Variants in SYAP1 observed in about 807,000 individuals in gnomAD.
SYAP1 encodes synapse associated protein 1.
A neutral mutation model predicts 29.6 loss-of-function variants in SYAP1; 3 were observed. The ratio of observed to expected loss-of-function variants is 0.10; its 90% confidence interval spans 0.05 to 0.26. The LOEUF is 0.26. SYAP1 is among the 10% of genes least tolerant of loss of function. The pLI is 1.00. For missense variants in SYAP1, 217 were observed against 264.1 expected, an observed-to-expected ratio of 0.82 and a Z score of 1.24; for synonymous variants, 102 against 102.7, an observed-to-expected ratio of 0.99 and a Z score of 0.04.
chrX:16,747,000 C>G (rs1040540540), intron 5 of SYAP1, among the ~76,000 whole-genome samples: 2 of 112,269 alleles, frequency 1.8e-5, no homozygotes, highest in African/African-American at 6.5e-5. Context: ...GACAGGATCT[C>G]TGGAATGCAG....
chrX:16,755,402 C>G (rs1926820575), intron 6 of SYAP1, among the ~76,000 whole-genome samples: 1 of 109,987 alleles, frequency 9.1e-6, no homozygotes, highest in Admixed American at 9.8e-5. Context: ...AGCGATCCTC[C>G]TGCCTCAGCT....
At chrX:16,725,981 C>G (rs1602319613) in intron 1 of SYAP1, among the ~76,000 whole-genome samples, 1 of 111,817 alleles carries the variant, frequency 8.9e-6, no homozygotes, top group Non-Finnish European at 1.9e-5. Context: ...ATTTGTTTCT[C>G]TGACTGCAAA....
chrX:16,757,059 G>T, intron 7 of SYAP1, 103 bp from the exon 8 acceptor site: 1 of 1,013,678 alleles, frequency 9.9e-7, no homozygotes, highest in Non-Finnish European at 1.4e-6. Context: ...GCAGAGAAAA[G>T]AAATAAAAAT....
intron 4 of SYAP1, among the ~76,000 whole-genome samples, chrX:16,742,371 C>T (rs1054718507): frequency 8.2e-5 from 9 of 109,160 alleles, no homozygotes; most frequent in African/African-American, 1.7e-4. Flanking sequence ...AGACTGGTCT[C>T]GAACTCCTGA....
In SYAP1 at chrX:16,765,229, A is replaced by T. The variant is rs1175487502; in HGVS notation, c.*4870A>T. On this transcript the variant is annotated 3_prime_UTR_variant, in exon 9 of 9. Transcript: ENST00000380155. ...TAAGCCATCGATGATTTCAGTTGTT[A>T]AAAGTGTGGCTTTTTAAACAGCATT... 1 of 112,436 alleles carries T rather than the reference A, an allele frequency of 8.9e-6. No individual in the cohort carries two copies. The highest frequency in any genetic ancestry group is 1.9e-5 in the Non-Finnish European group (1 of 53,344). The allele number at this position is 112,436 out of a possible 1,213,427, so 9.3% of individuals were successfully genotyped here.
At chrX:16,731,662 G>A (rs6632879) in intron 1 of SYAP1, among the ~76,000 whole-genome samples, 6 of 111,757 alleles carry the variant, frequency 5.4e-5, no homozygotes, top group African/African-American at 1.6e-4. Flanking sequence ...ACAAGCAGCC[G>A]GGCACAGTGG....
intron 5 of SYAP1, among the ~76,000 whole-genome samples, chrX:16,744,234 A>G (rs1210309183): frequency 8.9e-6 from 1 of 112,057 alleles, no homozygotes; most frequent in Non-Finnish European, 1.9e-5. Context: ...TTTTCCTCCA[A>G]CAGCTCTTCT....
At position 16,755,027 on chromosome X, in the gene SYAP1, G is replaced by A; in HGVS notation, c.658G>A (p.Ala220Thr). The change falls in exon 6 of 9, where the codon GCC becomes ACC. Residue 220 changes from alanine to threonine, a missense_variant. Ala to Thr is a moderately conservative substitution (Grantham distance 58, BLOSUM62 0). Transcript: ENST00000380155. ...GTCAGCCCAGCTCACGGCCCTGGCT[G>A]CCCAACAGCAGGCCGCAGGGAAGGA... ...KQSAQLTALA[A>T]QQQAAGKEEK... The A allele has an allele frequency of 1.7e-6, 2 of 1,211,359 alleles. No individual in the cohort carries two copies. The highest frequency in any genetic ancestry group is 2.2e-6 in the Non-Finnish European group (2 of 895,016).
chrX:16,753,244 C>CAA (rs770811287), intron 5 of SYAP1, among the ~76,000 whole-genome samples: 3 of 41,338 alleles, frequency 7.3e-5, no homozygotes, highest in East Asian at 1.5e-3. Context: ...GACTCCGTCT[C>CAA]AAAAAAAAAA....
Position 16,735,340 on chromosome X carries a change from G to A in SYAP1, c.289G>A (p.Asp97Asn). 2.7e-6 allele frequency: 3 copies of A among 1,115,627 alleles called. No individual in the cohort carries two copies. The highest frequency in any genetic ancestry group is 3.7e-6 in the Non-Finnish European group (3 of 817,845). The allele number at this position is 1,115,627 out of a possible 1,213,427, so 91.9% of individuals were successfully genotyped here. A position where few individuals can be genotyped will look rare whatever the true frequency, so the allele number is the denominator to read the frequency against. Residue 97 changes from aspartate (D) to asparagine (N), a missense_variant, in exon 2 of 9, where the codon GAC (aspartate) becomes AAC (asparagine). By Grantham distance (23) the Asp-to-Asn change is conservative (BLOSUM62 1). Transcript: ENST00000380155. Reference sequence around the variant, plus strand: ...AGAAGGAAAAATAGATGGCATCATTGACAAGGTATATTCAATTATCTTTTG... The same window carrying A: ...AGAAGGAAAAATAGATGGCATCATTAACAAGGTATATTCAATTATCTTTTG... Reference protein sequence around the residue: ...VEEGKIDGIIDKTIIGDFQKE... With the variant: ...VEEGKIDGIINKTIIGDFQKE...
chrX:16,742,220 C>T (rs929146080), intron 4 of SYAP1, among the ~76,000 whole-genome samples: 5 of 96,532 alleles, frequency 5.2e-5, no homozygotes, highest in Non-Finnish European at 1.0e-4. Context: ...GGCACGATCT[C>T]GGCTCACTGC....
intron 5 of SYAP1, among the ~76,000 whole-genome samples, chrX:16,753,455 C>T (rs1926781134): frequency 9.0e-6 from 1 of 111,042 alleles, no homozygotes; most frequent in South Asian, 3.8e-4. Flanking sequence ...CAATGGGAGA[C>T]TATTCAAGCT....
At chrX:16,729,689 G>A (rs1021945033) in intron 1 of SYAP1, among the ~76,000 whole-genome samples, 2 of 110,292 alleles carry the variant, frequency 1.8e-5, no homozygotes. Context: ...TCACAATGTT[G>A]GCCAGGCTGG....
intron 5 of SYAP1, among the ~76,000 whole-genome samples, chrX:16,744,073 A>G (rs904230617): frequency 1.8e-5 from 2 of 112,321 alleles, no homozygotes; most frequent in Non-Finnish European, 3.8e-5. Flanking sequence ...AAGGTAGAAC[A>G]CATTTCCCTA....
intron 4 of SYAP1, 101 bp from the exon 5 acceptor site, chrX:16,743,600 C>A (rs767994449): frequency 2.8e-4 from 241 of 858,453 alleles, no homozygotes; most frequent in Middle Eastern, 3.6e-4. Context: ...CACCACTGCA[C>A]TCTAGCCTGG....
chrX:16,721,000 A>G (rs1431106107), intron 1 of SYAP1, among the ~76,000 whole-genome samples: 1 of 110,058 alleles, frequency 9.1e-6, no homozygotes, highest in African/African-American at 3.3e-5. Flanking sequence ...GTGACAGAGC[A>G]AGACTCCATC....
intron 5 of SYAP1, among the ~76,000 whole-genome samples, chrX:16,744,954 G>A (rs982332015): frequency 1.8e-5 from 2 of 112,359 alleles, no homozygotes; most frequent in African/African-American, 6.5e-5. Flanking sequence ...GCAACAGAGT[G>A]AGACCCTGTC....
Position 16,741,745 on chromosome X carries a change from A to C in SYAP1, c.391A>C (p.Asn131His). Reference protein sequence around the residue: ...EAAVPPWVDTNDEETIQQQIL... With the variant: ...EAAVPPWVDTHDEETIQQQIL... ...AGCTGTGCCCCCATGGGTTGACACT[A>C]ACGATGAAGAAACAATTCAACAACA... Residue 131 changes from asparagine (N) to histidine (H), a missense_variant, in exon 4 of 9, where the codon AAC (asparagine) becomes CAC (histidine). Transcript: ENST00000380155. 6.6e-6 allele frequency: 8 copies of C among 1,207,944 alleles called. No homozygotes were observed. Among genetic ancestry groups the C allele is most frequent in the Non-Finnish European group, 9.0e-6 (8 of 893,789 alleles).
intron 1 of SYAP1, among the ~76,000 whole-genome samples, chrX:16,720,588 T>G (rs1048786769): frequency 8.9e-6 from 1 of 112,408 alleles, no homozygotes; most frequent in African/African-American, 3.2e-5. Flanking sequence ...TCTTTCTCAT[T>G]TTAAAGCCCG....
Sources: gnomAD v4.1 joint callset for allele counts (sites outside exome capture counted in the v4.1 genomes callset) on GRCh38, gnomAD v4.1.1 for gene constraint, MANE v1.5 for transcripts, NCBI Gene and HGNC (gene_info 2026-07-23, HGNC 2026-07-21) for gene names.